MTOR: variants seen among roughly 807,000 people sequenced by gnomAD.
MTOR encodes the protein mechanistic target of rapamycin kinase.
A neutral mutation model predicts 319.8 loss-of-function variants in MTOR; 70 were observed. That is an observed-to-expected ratio of 0.22 (90% CI 0.18 to 0.27). The LOEUF (loss-of-function observed/expected upper bound fraction) is 0.27, where lower values mean the gene tolerates loss of function less well. Ranked by LOEUF, MTOR falls within the 10% of genes least tolerant of loss-of-function variation. The pLI, the probability that MTOR is intolerant of heterozygous loss-of-function variation, is 1.00. For missense variants in MTOR, 1,890 were observed against 3,274.4 expected (o/e 0.58, Z 10.32); for synonymous variants, 1,183 against 1,211.4 (o/e 0.98, Z 0.49).
chr1:11,208,983 C>G (rs1016654070), intron 25 of MTOR, among the ~76,000 whole-genome samples: 1 of 152,184 alleles, frequency 6.6e-6, no homozygotes, highest in African/African-American at 2.4e-5. Context: ...TTTGAAAGAG[C>G]CTTCATCAGT....
rs568396101 is a variant in MTOR at position 11,146,864 on chromosome 1, G to T, written c.4571-73C>A. 7 of 1,007,462 alleles carry T rather than the reference G, an allele frequency of 6.9e-6. 1 individual carries two copies. In the South Asian group the frequency reaches 9.1e-5, roughly 13 times the overall value. The allele number at this position is 1,007,462 out of a possible 1,614,324, so 62.4% of individuals were successfully genotyped here. A position where few individuals can be genotyped will look rare whatever the true frequency, so the allele number is the denominator to read the frequency against. On this transcript the variant is annotated intron_variant, in intron 31 of 57. Transcript: ENST00000361445. ...GGGCTAAAGGCAGCATCTCAAATAG[G>T]TCTTGCCACTGTTATTTTCCTTTAG... is the stretch of plus-strand genomic sequence containing the variant.
intron 28 of MTOR, among the ~76,000 whole-genome samples, chr1:11,182,161 G>A (rs931058676): frequency 1.3e-5 from 2 of 151,792 alleles, no homozygotes; most frequent in Non-Finnish European, 2.9e-5. Flanking sequence ...AGGTTGCAGT[G>A]AGCTGAGATT....
rs114815993 is a variant in MTOR at position 11,149,046 on chromosome 1, G to T, written c.4570+1080C>A. ...CTCACAGAGTGCTGGGATTACAGGT[G>T]TGAGTCACCACACCCAGCCTTCTCA... On this transcript the variant is annotated intron_variant, in intron 31 of 57. Transcript: ENST00000361445. 8.9e-3 allele frequency among the ~76,000 whole-genome samples: 1,361 copies of T among 152,216 alleles called. 27 individuals carry two copies. The highest frequency in any genetic ancestry group is 0.031 in the African/African-American group (1,270 of 41,528).
chr1:11,132,417 T>C (rs925786312), intron 38 of MTOR: 1 of 152,308 alleles, frequency 6.6e-6, no homozygotes, highest in African/African-American at 2.4e-5. Flanking sequence ...AGTTTAGATT[T>C]CAGAGAGATT....
chr1:11,193,814 C>A (rs1321276209), intron 28 of MTOR: 1 of 1,602,758 alleles, frequency 6.2e-7, no homozygotes, highest in South Asian at 1.1e-5. Context: ...GGACCAGTGC[C>A]ACCACACATG....
chr1:11,142,094 A>G (rs1643739073), intron 34 of MTOR, among the ~76,000 whole-genome samples: 2 of 152,332 alleles, frequency 1.3e-5, no homozygotes, highest in Admixed American at 1.3e-4. Context: ...TCTAACAACT[A>G]TAGAGAGTCA....
At chr1:11,145,348 G>A (rs1643896164) in intron 32 of MTOR, 4 of 384,268 alleles carry the variant, frequency 1.0e-5, no homozygotes, top group South Asian at 6.7e-5. Flanking sequence ...ATGGGTTCTT[G>A]CATCTCAAGA....
chr1:11,242,500 CAAAAAAAA>C (rs70977555), intron 9 of MTOR, among the ~76,000 whole-genome samples: 7 of 52,630 alleles, frequency 1.3e-4, no homozygotes, highest in African/African-American at 4.3e-4. Flanking sequence ...GACTCCATCT[CAAAAAAAA>C]AAAAAAAAAA....
chr1:11,261,838 G>C (rs1651176847), intron 1 of MTOR, among the ~76,000 whole-genome samples: 2 of 152,154 alleles, frequency 1.3e-5, no homozygotes, highest in Non-Finnish European at 2.9e-5. Flanking sequence ...TCTCAGGAAA[G>C]AACCAGTGTA....
At chr1:11,252,788 C>T (rs1304319069) in intron 6 of MTOR, among the ~76,000 whole-genome samples, 1 of 152,176 alleles carries the variant, frequency 6.6e-6, no homozygotes, top group Non-Finnish European at 1.5e-5. Flanking sequence ...CTTTACCTCC[C>T]AAATATATCC....
At chr1:11,252,859 C>T (rs1196523162) in intron 6 of MTOR, among the ~76,000 whole-genome samples, 1 of 152,222 alleles carries the variant, frequency 6.6e-6, no homozygotes, top group Non-Finnish European at 1.5e-5. Flanking sequence ...CACTGTCACT[C>T]ACCCAGACTA....
chr1:11,260,637 G>T (rs149974961), intron 1 of MTOR, among the ~76,000 whole-genome samples: 198 of 151,244 alleles, frequency 1.3e-3, no homozygotes, highest in African/African-American at 4.6e-3. Flanking sequence ...AGAAACAGGT[G>T]AAATTAATTA....
intron 23 of MTOR, among the ~76,000 whole-genome samples, chr1:11,211,514 C>T (rs772304712): frequency 6.6e-6 from 1 of 152,142 alleles, no homozygotes; most frequent in South Asian, 2.1e-4. Flanking sequence ...ACCACAGGCA[C>T]GTGTTCCTAC....
chr1:11,257,424 G>A (rs1460337977), intron 3 of MTOR, among the ~76,000 whole-genome samples: 10 of 150,372 alleles, frequency 6.7e-5, no homozygotes, highest in Admixed American at 2.6e-4. Flanking sequence ...TTAGCCAGGC[G>A]TGGTGGCACA....
chr1:11,192,122 C>A, intron 28 of MTOR: 1 of 659,996 alleles, frequency 1.5e-6, no homozygotes, highest in Non-Finnish European at 2.6e-6. Context: ...TGGATCTCCC[C>A]ATATCCACCT....
At chr1:11,232,346 C>T (rs1647047017) in intron 16 of MTOR, 90 bp downstream of exon 16, 1 of 885,654 alleles carries the variant, frequency 1.1e-6, no homozygotes, top group African/African-American at 1.7e-5. Context: ...GTTCTAGGCA[C>T]TGGGTGAGGA....
At position 11,238,612 on chromosome 1, in the gene MTOR, A is replaced by T; in HGVS notation, c.1792T>A (p.Ser598Thr). Residue 598 changes from serine (S) to threonine (T), a missense_variant, in exon 12 of 58, where the codon TCT (serine) becomes ACT (threonine). By Grantham distance (58) the Ser-to-Thr change is moderately conservative. Around this residue, in one of 15 missense-constraint regions of MTOR, gnomAD observed 418 missense variants for 543.1 expected, o/e 0.77. Coordinates refer to ENST00000361445, the MANE Select transcript of MTOR (RefSeq NM_004958.4). Reference sequence around the variant, plus strand: ...CAGTGGCGAACAAATTGGGTCAGAGAGTGGCCTGGATAGAAAGGCAGAGAG... The same window carrying T: ...CAGTGGCGAACAAATTGGGTCAGAGTGTGGCCTGGATAGAAAGGCAGAGAG... ...TLGSFEFEGH[S>T]LTQFVRHCAD... 1 of 1,609,850 alleles carries T rather than the reference A, an allele frequency of 6.2e-7. No homozygotes were observed. Among genetic ancestry groups the T allele is most frequent in the South Asian group, 1.1e-5 (1 of 90,900 alleles).
Position 11,133,443 on chromosome 1 carries a change from C to T in MTOR, c.5247-246G>A, listed in dbSNP as rs907079519. ...TCTCAATGACAGCATAAACCATGTA[C>T]CTGGTACAGATAGGTCTGTATGGAC... On this transcript the variant is annotated intron_variant, in intron 37 of 57. Transcript: ENST00000361445. This position sits in a 1 kb window ranked among gnomAD's most constrained non-coding sequence, Gnocchi z 4.0. Among the ~76,000 whole-genome samples the T allele has an allele frequency of 4.7e-4, 72 of 152,178 alleles. No individual in the cohort carries two copies. Among genetic ancestry groups the T allele is most frequent in the African/African-American group, 1.7e-3 (72 of 41,430 alleles).
At chr1:11,142,211 G>A (rs964752694) in intron 34 of MTOR, among the ~76,000 whole-genome samples, 3 of 151,766 alleles carry the variant, frequency 2.0e-5, no homozygotes. Context: ...GTGGCTTGCA[G>A]GGAAGTTAAA....
Sources: gnomAD v4.1 joint callset for allele counts (sites outside exome capture counted in the v4.1 genomes callset) on GRCh38, gnomAD v4.1.1 for gene constraint, gnomAD v4.1.1 regional missense constraint, Gnocchi (gnomAD v3.1) non-coding constraint, MANE v1.5 for transcripts, NCBI Gene and HGNC (gene_info 2026-07-23, HGNC 2026-07-21) for gene names.